The following KCNQ1 variants were observed in gnomAD, a reference collection of about 807,000 sequenced individuals.
KCNQ1 encodes potassium voltage-gated channel subfamily KQT member 1.
Under a neutral mutation model 72.4 loss-of-function variants are expected in KCNQ1, and 49 were observed. The observed-to-expected ratio is 0.68, with a 90% CI of 0.54 to 0.86. The LOEUF (loss-of-function observed/expected upper bound fraction) is 0.86, where lower values mean the gene tolerates loss of function less well. Among genes scored for constraint, KCNQ1 ranks in the 40% least tolerant of loss-of-function variants. The pLI is 0.00. For missense variants in KCNQ1, 790 were observed against 945.1 expected, an observed-to-expected ratio of 0.84 and a Z score of 2.15; for synonymous variants, 450 against 412.6, an observed-to-expected ratio of 1.09 and a Z score of -1.10.
At chr11:2,571,455 C>T (rs1182078492) in intron 4 of KCNQ1, 52 bp downstream of exon 4, 2 of 1,493,414 alleles carry the variant, frequency 1.3e-6, no homozygotes, top group Non-Finnish European at 1.8e-6. Flanking sequence ...CCCGAGCACC[C>T]CTCCTGAGCC....
Position 2,588,110 on chromosome 11 carries a change from G to T in KCNQ1, c.1251+418G>T, listed in dbSNP as rs930896911. 6.6e-6 allele frequency among the ~76,000 whole-genome samples: 1 copy of T among 152,058 alleles called. No homozygotes were observed. The highest frequency in any genetic ancestry group is 2.4e-5 in the African/African-American group (1 of 41,370). ...GTGAGGCAGGGGTGCAGCGAAGGGG[G>T]TCTGGAGGTCACAGGGCAGTGGAGT... On this transcript the variant is annotated intron_variant, in intron 9 of 15. Coordinates refer to ENST00000155840, the MANE Select transcript of KCNQ1 (RefSeq NM_000218.3). The surrounding 1 kb of genome is among the most constrained non-coding windows in gnomAD (Gnocchi z 5.6).
At chr11:2,529,215 C>T (rs1847567294) in intron 2 of KCNQ1, among the ~76,000 whole-genome samples, 1 of 152,226 alleles carries the variant, frequency 6.6e-6, no homozygotes. Flanking sequence ...TCTATTCTGT[C>T]CCACTGGTCT....
chr11:2,575,687 G>C (rs970809437), intron 6 of KCNQ1, among the ~76,000 whole-genome samples: 2 of 152,228 alleles, frequency 1.3e-5, no homozygotes, highest in African/African-American at 2.4e-5. Context: ...CGTCGGGGCT[G>C]CCACAGGCCC....
chr11:2,560,888 T>C (rs9666080), intron 2 of KCNQ1, among the ~76,000 whole-genome samples: 150,265 of 152,114 alleles, frequency 0.99, 74,245 homozygotes, highest in Middle Eastern at 1. Flanking sequence ...AGGGCTTCAC[T>C]GCAGGGAGAG....
intron 12 of KCNQ1, among the ~76,000 whole-genome samples, chr11:2,770,819 C>G (rs990272970): frequency 6.6e-6 from 1 of 152,212 alleles, no homozygotes; most frequent in Non-Finnish European, 1.5e-5. Context: ...GGAGCTCACT[C>G]GGGGGCAATG....
At position 2,599,780 on chromosome 11, in the gene KCNQ1, T is replaced by C. The variant is rs1441327868; in HGVS notation, c.1393+10926T>C. On this transcript the variant is annotated intron_variant, in intron 10 of 15. Transcript: ENST00000155840. The surrounding 1 kb of genome is among the most constrained non-coding windows in gnomAD (Gnocchi z 4.7). ...TTCTCTGTGTGTCCAAATATCCTTT[T>C]CTTTAAGGGCACCAGTCACACTGGA... Among the ~76,000 whole-genome samples the C allele has an allele frequency of 6.6e-6, 1 of 152,208 alleles. No individual in the cohort carries two copies. The highest frequency in any genetic ancestry group is 1.9e-4 in the East Asian group (1 of 5,200).
At chr11:2,675,996 T>A in intron 11 of KCNQ1, 1 of 398,672 alleles carries the variant, frequency 2.5e-6, no homozygotes, top group Non-Finnish European at 4.4e-6. Flanking sequence ...CACCCAACCC[T>A]AATTCCCAAG....
chr11:2,821,068 C>T (rs1484817201), intron 15 of KCNQ1, among the ~76,000 whole-genome samples: 1 of 152,258 alleles, frequency 6.6e-6, no homozygotes, highest in Non-Finnish European at 1.5e-5. Context: ...CATCAGCACT[C>T]TTCGGAGGCC....
intron 11 of KCNQ1, among the ~76,000 whole-genome samples, chr11:2,755,951 G>C (rs2133967976): frequency 6.6e-6 from 1 of 152,304 alleles, no homozygotes; most frequent in African/African-American, 2.4e-5. Context: ...AACACATGTG[G>C]CCAGTGAGTA....
At chr11:2,761,912 G>A (rs962909744) in intron 11 of KCNQ1, among the ~76,000 whole-genome samples, 9 of 152,228 alleles carry the variant, frequency 5.9e-5, no homozygotes, top group Admixed American at 3.9e-4. Context: ...AGCTTCTAGC[G>A]GCCTGTGAAG....
At position 2,677,240 on chromosome 11, in the gene KCNQ1, C is replaced by T. The variant is rs1192217623; in HGVS notation, c.1514+15159C>T. 1 of 398,424 alleles carries T rather than the reference C, an allele frequency of 2.5e-6. No individual in the cohort carries two copies. Among genetic ancestry groups the T allele is most frequent in the Non-Finnish European group, 4.4e-6 (1 of 226,062 alleles). The allele number at this position is 398,424 out of a possible 1,614,324, so 24.7% of individuals were successfully genotyped here. A position where few individuals can be genotyped will look rare whatever the true frequency, so the allele number is the denominator to read the frequency against. ...TCAACCAAAGACAATATAAAGCACA[C>T]ACAAAGTAAAGAGGAACTTATAAAG... On this transcript the variant is annotated intron_variant, in intron 11 of 15. Coordinates refer to ENST00000155840, the MANE Select transcript of KCNQ1 (RefSeq NM_000218.3). The surrounding 1 kb of genome is among the most constrained non-coding windows in gnomAD (Gnocchi z 4.5).
rs1053458199 is a variant in KCNQ1, at chr11:2,473,509, T to C, written c.386+28025T>C. ...CTGGGAAATCCAAGGGGCAAGGCCG[T>C]TTCCCGTCCTGGTCCGTCGTTGAGT... On this transcript the variant is annotated intron_variant, in intron 1 of 15. Coordinates refer to ENST00000155840, the MANE Select transcript of KCNQ1 (RefSeq NM_000218.3). This position sits in a 1 kb window ranked among gnomAD's most constrained non-coding sequence, Gnocchi z 6.0. Among the ~76,000 whole-genome samples the C allele has an allele frequency of 6.6e-6, 1 of 152,132 alleles. No homozygotes were observed. The highest frequency in any genetic ancestry group is 2.4e-5 in the African/African-American group (1 of 41,428).
In KCNQ1 at chr11:2,463,363, A is replaced by C. The variant is rs1846306260; in HGVS notation, c.386+17879A>C. On this transcript the variant is annotated intron_variant, in intron 1 of 15. Transcript: ENST00000155840. The surrounding 1 kb of genome is among the most constrained non-coding windows in gnomAD (Gnocchi z 7.0). Reference sequence around the variant, plus strand: ...GATACATTTGCCCCCTCTATCCCCCAGATCGGCGGCTGCTCAAGGAGCCTG... The same window carrying C: ...GATACATTTGCCCCCTCTATCCCCCCGATCGGCGGCTGCTCAAGGAGCCTG... 6.6e-6 allele frequency among the ~76,000 whole-genome samples: 1 copy of C among 152,192 alleles called. No individual in the cohort carries two copies. The highest frequency in any genetic ancestry group is 2.1e-4 in the South Asian group (1 of 4,832).
rs769860171 is a variant in KCNQ1, at chr11:2,752,553, G to GTA, written c.1515-16290_1515-16289dup. Among the ~76,000 whole-genome samples, 9 of 152,184 alleles carry GTA rather than the reference G, an allele frequency of 5.9e-5. No individual in the cohort carries two copies. The highest frequency in any genetic ancestry group is 8.8e-5 in the Non-Finnish European group (6 of 68,036). On this transcript the variant is annotated intron_variant, in intron 11 of 15. Transcript: ENST00000155840. The surrounding 1 kb of genome is among the most constrained non-coding windows in gnomAD (Gnocchi z 5.2). Reference sequence around the variant, plus strand: ...AGGGCGCCAGCAGATCTGGTGTCTGGTAAGGGGTCTGTCTGATTCATGGAA... The same window carrying GTA: ...AGGGCGCCAGCAGATCTGGTGTCTGGTATAAGGGGTCTGTCTGATTCATGGAA...
chr11:2,560,826 G>T (rs1848153523), intron 2 of KCNQ1, among the ~76,000 whole-genome samples: 1 of 152,088 alleles, frequency 6.6e-6, no homozygotes, highest in Admixed American at 6.5e-5. Context: ...GTGGGATGAG[G>T]ACAGACGTGG....
rs1269346588 is a variant in KCNQ1 at position 2,562,116 on chromosome 11, T to C, written c.478-8512T>C. On this transcript the variant is annotated intron_variant, in intron 2 of 15. Coordinates refer to ENST00000155840, the MANE Select transcript of KCNQ1 (RefSeq NM_000218.3). The surrounding 1 kb of genome is among the most constrained non-coding windows in gnomAD (Gnocchi z 7.5). ...CCCGACTGTGCCACCCTCAGCCCAG[T>C]GGATGGTGCATCTCACCTGGGCCTG... 6.9e-6 allele frequency among the ~76,000 whole-genome samples: 1 copy of C among 144,634 alleles called. No homozygotes were observed. Among genetic ancestry groups the C allele is most frequent in the Non-Finnish European group, 1.5e-5 (1 of 66,810 alleles). The allele number at this position is 144,634 out of a possible 152,430, so 94.9% of individuals were successfully genotyped here.
chr11:2,764,116 G>A lies in KCNQ1; in HGVS notation c.1515-4728G>A, dbSNP rs963951770. 6.6e-6 allele frequency among the ~76,000 whole-genome samples: 1 copy of A among 151,974 alleles called. No individual in the cohort carries two copies. Among genetic ancestry groups the A allele is most frequent in the African/African-American group, 2.4e-5 (1 of 41,360 alleles). On this transcript the variant is annotated intron_variant, in intron 11 of 15. Coordinates refer to ENST00000155840, the MANE Select transcript of KCNQ1 (RefSeq NM_000218.3). The surrounding 1 kb of genome is among the most constrained non-coding windows in gnomAD (Gnocchi z 4.8). ...CGATAACATCCTTGCCTTGCTTCCT[G>A]TCTCAGGAGGAAAGCGTATCACATT... is the stretch of plus-strand genomic sequence containing the variant.
intron 1 of KCNQ1, among the ~76,000 whole-genome samples, chr11:2,512,316 G>A (rs1240178425): frequency 3.9e-5 from 6 of 152,166 alleles, no homozygotes; most frequent in Admixed American, 6.5e-5. Context: ...CCTCCCCGTC[G>A]ATGCCTGGGG....
At chr11:2,700,990 A>C (rs1850802052) in intron 11 of KCNQ1, among the ~76,000 whole-genome samples, 1 of 152,240 alleles carries the variant, frequency 6.6e-6, no homozygotes, top group African/African-American at 2.4e-5. Context: ...TGTGGACTGC[A>C]AAAACAGTGT....
Sources: gnomAD v4.1 joint callset for allele counts (sites outside exome capture counted in the v4.1 genomes callset) on GRCh38, gnomAD v4.1.1 for gene constraint, Gnocchi (gnomAD v3.1) non-coding constraint, MANE v1.5 for transcripts, NCBI Gene and HGNC (gene_info 2026-07-23, HGNC 2026-07-21) for gene names.